The following NEGR1 variants were observed in gnomAD, a reference collection of about 807,000 sequenced individuals.
NEGR1 encodes the protein neuronal growth regulator 1, also known as IgLON family member 4.
A neutral mutation model predicts 40.9 loss-of-function variants in NEGR1; 10 were observed. The observed-to-expected ratio is 0.24, with a 90% CI of 0.15 to 0.42. The LOEUF (loss-of-function observed/expected upper bound fraction) is 0.42. Ranked by LOEUF, NEGR1 falls within the 10% of genes least tolerant of loss-of-function variation. The probability of loss-of-function intolerance (pLI) is 1.00; values close to 1 mark genes in which losing one functional copy is unlikely to be tolerated. For synonymous variants in NEGR1, 185 were observed against 166.8 expected (o/e 1.11, Z -0.84); for missense variants, 352 against 438.9 (o/e 0.80, Z 1.77).
intron 1 of NEGR1, among the ~76,000 whole-genome samples, chr1:72,034,519 C>A (rs1213940574): frequency 6.6e-6 from 1 of 152,044 alleles, no homozygotes; most frequent in African/African-American, 2.4e-5. Context: ...ATCCACAGGA[C>A]CTTATTTTGT....
At chr1:72,129,107 T>C (rs921564962) in intron 1 of NEGR1, among the ~76,000 whole-genome samples, 1 of 152,156 alleles carries the variant, frequency 6.6e-6, no homozygotes, top group Non-Finnish European at 1.5e-5. Context: ...AGATGTCAGA[T>C]TGTGGAACTT....
At chr1:71,680,532 C>T (rs1286334233) in intron 4 of NEGR1, among the ~76,000 whole-genome samples, 2 of 152,086 alleles carry the variant, frequency 1.3e-5, no homozygotes, top group Non-Finnish European at 2.9e-5. Flanking sequence ...AGAAGTTTGT[C>T]CAATCTCATT....
chr1:71,744,284 C>CATACATATAT (rs1553162425), intron 3 of NEGR1, among the ~76,000 whole-genome samples: 3 of 137,182 alleles, frequency 2.2e-5, no homozygotes, highest in Non-Finnish European at 4.6e-5. Context: ...TGACAAATAA[C>CATACATATAT]ATATATATAT....
intron 6 of NEGR1, among the ~76,000 whole-genome samples, chr1:71,415,996 C>A (rs1216129827): frequency 6.6e-6 from 1 of 152,000 alleles, no homozygotes; most frequent in African/African-American, 2.4e-5. Context: ...ATACACATTG[C>A]CCTTACTATA....
chr1:71,839,069 C>G (rs1648261), intron 2 of NEGR1, among the ~76,000 whole-genome samples: 1 of 151,284 alleles, frequency 6.6e-6, no homozygotes, highest in Non-Finnish European at 1.5e-5. Context: ...GTGTGCATAT[C>G]TGTGCCTCAG....
In NEGR1 at chr1:72,170,987, A is replaced by G. The variant is rs1651943293; in HGVS notation, c.176+111332T>C. On this transcript the variant is annotated intron_variant, in intron 1 of 6. Coordinates refer to ENST00000357731, the MANE Select transcript of NEGR1 (RefSeq NM_173808.3). Reference sequence around the variant, plus strand: ...CCTCTTTTCCCCACTGTTAGATGAGACAGAAAGGTTACAGCAGGCTATTGG... The same window carrying G: ...CCTCTTTTCCCCACTGTTAGATGAGGCAGAAAGGTTACAGCAGGCTATTGG... 2.6e-5 allele frequency among the ~76,000 whole-genome samples: 4 copies of G among 152,230 alleles called. 1 individual carries two copies. In the South Asian group the frequency reaches 8.3e-4, roughly 32 times the overall value.
intron 1 of NEGR1, among the ~76,000 whole-genome samples, chr1:72,278,955 T>C (rs1656156849): frequency 6.6e-6 from 1 of 152,102 alleles, no homozygotes; most frequent in South Asian, 2.1e-4. Context: ...CTATATTGAA[T>C]ATCTGTATCA....
intron 6 of NEGR1, among the ~76,000 whole-genome samples, chr1:71,560,431 AT>A: frequency 6.3e-5 from 1 of 15,890 alleles, no homozygotes; most frequent in African/African-American, 1.8e-4. Flanking sequence ...ATTCTCCATT[AT>A]ATATATATAT....
Position 72,228,341 on chromosome 1 carries a change from G to A in NEGR1, c.176+53978C>T, listed in dbSNP as rs146889097. 2.5e-3 allele frequency among the ~76,000 whole-genome samples: 379 copies of A among 152,220 alleles called. 1 individual carries two copies. The highest frequency in any genetic ancestry group is 4.2e-3 in the Admixed American group (64 of 15,258). ...GAGCAATGAGTTCCTTTTGCTTCCC[G>A]CATACCTGCTTGAGCTGGATCATCA... On this transcript the variant is annotated intron_variant, in intron 1 of 6. Coordinates refer to ENST00000357731, the MANE Select transcript of NEGR1 (RefSeq NM_173808.3).
At chr1:71,735,675 T>A (rs912806894) in intron 3 of NEGR1, among the ~76,000 whole-genome samples, 16 of 152,026 alleles carry the variant, frequency 1.1e-4, no homozygotes, top group African/African-American at 3.9e-4. Context: ...GGTATACATA[T>A]AATTAAGTAT....
At chr1:71,600,891 G>A (rs531329723) in intron 5 of NEGR1, among the ~76,000 whole-genome samples, 1 of 152,320 alleles carries the variant, frequency 6.6e-6, no homozygotes, top group South Asian at 2.1e-4. Context: ...CTCTGTGTGT[G>A]CAGTACTAAC....
At chr1:72,096,134 T>C (rs1648687935) in intron 1 of NEGR1, among the ~76,000 whole-genome samples, 1 of 152,168 alleles carries the variant, frequency 6.6e-6, no homozygotes, top group Non-Finnish European at 1.5e-5. Context: ...TGATCAATTT[T>C]CCAATTAAAA....
At chr1:71,990,458 C>T (rs1646439402) in intron 1 of NEGR1, among the ~76,000 whole-genome samples, 1 of 152,036 alleles carries the variant, frequency 6.6e-6, no homozygotes, top group African/African-American at 2.4e-5. Context: ...TCCTCTCTTC[C>T]CATTCAGCTT....
chr1:71,624,827 T>A (rs1052496003), intron 4 of NEGR1, among the ~76,000 whole-genome samples: 3 of 151,894 alleles, frequency 2.0e-5, no homozygotes, highest in African/African-American at 7.2e-5. Flanking sequence ...TTCTTAACCA[T>A]CCTTACTGTT....
intron 2 of NEGR1, among the ~76,000 whole-genome samples, chr1:71,866,251 A>G (rs1257124894): frequency 6.6e-6 from 1 of 152,136 alleles, no homozygotes; most frequent in African/African-American, 2.4e-5. Flanking sequence ...AAGAAACACA[A>G]GAAGAACAGT....
intron 4 of NEGR1, among the ~76,000 whole-genome samples, chr1:71,613,452 G>C (rs1000510933): frequency 1.3e-5 from 2 of 151,974 alleles, no homozygotes; most frequent in Non-Finnish European, 2.9e-5. Context: ...TTCGAGACCA[G>C]CCTGGCCAAC....
At chr1:71,788,500 C>A (rs988631752) in intron 2 of NEGR1, among the ~76,000 whole-genome samples, 2 of 151,984 alleles carry the variant, frequency 1.3e-5, no homozygotes, top group African/African-American at 4.8e-5. Context: ...AGTCTCTTGA[C>A]AGAAATTGTT....
intron 1 of NEGR1, among the ~76,000 whole-genome samples, chr1:72,042,662 G>A (rs1486089): frequency 0.52 from 79,496 of 151,726 alleles, 21,889 homozygotes; most frequent in African/African-American, 0.68. Context: ...CAAGTCACTT[G>A]CCAATCCTCA....
intron 1 of NEGR1, among the ~76,000 whole-genome samples, chr1:71,935,991 G>A (rs551621485): frequency 1.8e-4 from 27 of 152,148 alleles, no homozygotes; most frequent in Admixed American, 5.9e-4. Context: ...TGGAGAGGGG[G>A]TTTCACTGTG....
Sources: allele counts gnomAD v4.1 joint callset (sites outside exome capture counted in the v4.1 genomes callset), GRCh38; gene constraint gnomAD v4.1.1; transcripts MANE v1.5; gene names NCBI Gene and HGNC (gene_info 2026-07-23, HGNC 2026-07-21).